HERC2: variants seen among roughly 807,000 people sequenced by gnomAD.
HERC2 encodes the protein E3 ubiquitin-protein ligase HERC2.
Under a neutral mutation model 537.7 loss-of-function variants are expected in HERC2, and 102 were observed. That is an observed-to-expected ratio of 0.19 (90% CI 0.16 to 0.22). The LOEUF (loss-of-function observed/expected upper bound fraction) is 0.22. HERC2 is among the 10% of genes least tolerant of loss of function. The pLI, the probability that HERC2 is intolerant of heterozygous loss-of-function variation, is 1.00. For missense variants in HERC2, 4,236 were observed against 6,198.2 expected (o/e 0.68, Z 10.63); for synonymous variants, 2,224 against 2,466.2 (o/e 0.90, Z 2.91).
At chr15:28,302,900 G>A (rs1317743378) in intron 2 of HERC2, among the ~76,000 whole-genome samples, 22 of 151,944 alleles carry the variant, frequency 1.4e-4, no homozygotes, top group East Asian at 1.9e-4. Context: ...ATATATTCTG[G>A]TTATTAATCC....
At chr15:28,266,075 G>C in intron 12 of HERC2, 101 bp from the exon 13 acceptor site, 1 of 1,276,834 alleles carries the variant, frequency 7.8e-7, no homozygotes. Context: ...GACCAGCATA[G>C]CATCAGGCCA....
chr15:28,121,735 A>G (rs1282910412), intron 85 of HERC2, among the ~76,000 whole-genome samples: 1 of 152,190 alleles, frequency 6.6e-6, no homozygotes, highest in Non-Finnish European at 1.5e-5. Context: ...CAGAACAGGG[A>G]GGGCTGGGCC....
intron 67 of HERC2, among the ~76,000 whole-genome samples, 161 bp downstream of exon 67, chr15:28,168,246 T>C (rs187655419): frequency 1.3e-5 from 2 of 152,182 alleles, no homozygotes; most frequent in African/African-American, 4.8e-5. Flanking sequence ...ACTTAAGCAC[T>C]TTAAAAGCTC....
At position 28,214,084 on chromosome 15, in the gene HERC2, A is replaced by G; in HGVS notation, c.6547T>C (p.Ser2183Pro). The part of the protein sequence containing the change: ...SITHSFVGRP[S>P]EGAQLEDYFP... Reference sequence around the variant, plus strand: ...TGAGAACACAAACCCACCCCTTCGGAAGGCCTTCCCACAAAGCTGTGGGTG... The same window carrying G: ...TGAGAACACAAACCCACCCCTTCGGGAGGCCTTCCCACAAAGCTGTGGGTG... The change falls in exon 41 of 93, where the codon TCC (serine) becomes CCC (proline). Residue 2183 changes from serine to proline, a missense_variant. By Grantham distance (74) the Ser-to-Pro change is moderately conservative. This residue lies in a region of HERC2 where 365 missense variants were observed against 468.8 expected (regional missense o/e 0.78). Transcript: ENST00000261609. 1 of 1,613,872 alleles carries G rather than the reference A, an allele frequency of 6.2e-7. No individual in the cohort carries two copies. The highest frequency in any genetic ancestry group is 8.5e-7 in the Non-Finnish European group (1 of 1,179,746).
Position 28,130,521 on chromosome 15 carries a change from G to C in HERC2, c.12644C>G (p.Ser4215Cys). 1 of 1,613,942 alleles carries C rather than the reference G, an allele frequency of 6.2e-7. No individual in the cohort carries two copies. Among genetic ancestry groups the C allele is most frequent in the Non-Finnish European group, 8.5e-7 (1 of 1,179,842 alleles). Residue 4215 changes from serine to cysteine, a missense_variant, in exon 82 of 93, where the codon TCT becomes TGT. By Grantham distance (112) the Ser-to-Cys change is moderately radical. This residue lies in a region of HERC2 where 38 missense variants were observed against 36.7 expected (regional missense o/e 1.04). Transcript: ENST00000261609. ...TGCGTACCAGGTATAAACAGCTCCA[G>C]ATTTGGTAAGGGCAACAGAAAACTG... ...GSQFSVALTK[S>C]GAVYTWGKGD...
At chr15:28,115,381 C>A (rs748711694) in intron 89 of HERC2, 48 bp downstream of exon 89, 13 of 1,263,068 alleles carry the variant, frequency 1.0e-5, no homozygotes, top group Non-Finnish European at 1.5e-5. Context: ...ACAGACTGTG[C>A]CTGTTAACAA....
chr15:28,142,312 T>C lies in HERC2; in HGVS notation c.11626A>G (p.Arg3876Gly). 6.2e-7 allele frequency: 1 copy of C among 1,614,174 alleles called. No individual in the cohort carries two copies. The highest frequency in any genetic ancestry group is 8.5e-7 in the Non-Finnish European group (1 of 1,180,036). Residue 3876 changes from arginine to glycine, a missense_variant, in exon 76 of 93, where the codon AGG becomes GGG. Coordinates refer to ENST00000261609, the MANE Select transcript of HERC2 (RefSeq NM_004667.6). ...AETHKWAWFR[R>G]YCMASRVAVA... ...GCAACACGGGAGGCCATGCAGTACCTCCGGAACCAGGCCCACTTGTGCGTC... is the reference window on the plus strand; with the variant it reads ...GCAACACGGGAGGCCATGCAGTACCCCCGGAACCAGGCCCACTTGTGCGTC...
At chr15:28,273,261 A>T in intron 7 of HERC2, 1 of 530,302 alleles carries the variant, frequency 1.9e-6, no homozygotes, top group Non-Finnish European at 3.3e-6. Context: ...ATGTATATGA[A>T]GCATAAAATA....
Position 28,175,661 on chromosome 15 carries a change from G to GAGA in HERC2, c.9687-8_9687-6dup. 1 of 1,614,100 alleles carries GAGA rather than the reference G, an allele frequency of 6.2e-7. No homozygotes were observed. Among genetic ancestry groups the GAGA allele is most frequent in the Non-Finnish European group, 8.5e-7 (1 of 1,180,010 alleles). On this transcript the variant is annotated splice_polypyrimidine_tract_variant and splice_region_variant and intron_variant, in intron 63 of 92. Coordinates refer to ENST00000261609, the MANE Select transcript of HERC2 (RefSeq NM_004667.6). ...CTGAAGTAATCCCCCTTTCCCCTGA[G>GAGA]AGAAGGCCCATGGTGGAGAGTTACA...
Position 28,125,098 on chromosome 15 carries a change from C to T in HERC2, c.12898G>A (p.Gly4300Ser), listed in dbSNP as rs745402828. ...CAGGCCACACGGTTGACCTTCTTAC[C>T]CTGAAGGGCAGCTACCAACCGAGGC... ...QRPRLVAALQ[G>S]KKVNRVACGS... Residue 4300 changes from glycine to serine, a missense_variant, in exon 84 of 93, where the codon GGT (glycine) becomes AGT (serine). Around this residue, in one of 27 missense-constraint regions of HERC2, gnomAD observed 189 missense variants for 255.7 expected, o/e 0.74. Transcript: ENST00000261609. 2.5e-6 allele frequency: 4 copies of T among 1,614,170 alleles called. No individual in the cohort carries two copies. In the South Asian group the frequency reaches 3.3e-5, roughly 13 times the overall value.
At position 28,265,053 on chromosome 15, in the gene HERC2, A is replaced by G. The variant is rs1007975391; in HGVS notation, c.1870+565T>C. Among the ~76,000 whole-genome samples the G allele has an allele frequency of 2.6e-5, 4 of 152,222 alleles. No homozygotes were observed. Among genetic ancestry groups the G allele is most frequent in the African/African-American group, 9.6e-5 (4 of 41,460 alleles). ...AAGCTGACAGGTACCCCTGCTGATT[A>G]TAACGGAAAGACTCCACAACGCCAG... is the stretch of plus-strand genomic sequence containing the variant. On this transcript the variant is annotated intron_variant, in intron 14 of 92. Transcript: ENST00000261609. This position sits in a 1 kb window ranked among gnomAD's most constrained non-coding sequence, Gnocchi z 4.0.
Position 28,233,746 on chromosome 15 carries a change from T to C in HERC2, c.4269A>G (p.Thr1423=), listed in dbSNP as rs767204620. 3.1e-6 allele frequency: 5 copies of C among 1,612,668 alleles called. No homozygotes were observed. The South Asian group carries it at 3.3e-5, about 11-fold the overall frequency. Residue 1423 remains threonine (T), a synonymous_variant, in exon 28 of 93, where the codon ACA becomes ACG. Transcript: ENST00000261609. ...ERYCRQCHLT[T]PIMFPPEHPV... ...GATGCTCGGGGGGAAACATGATCGG[T>C]GTGGTCAAATGGCACTGCCTACAGT...
intron 14 of HERC2, among the ~76,000 whole-genome samples, chr15:28,264,906 T>C (rs2075520091): frequency 6.6e-6 from 1 of 152,118 alleles, no homozygotes; most frequent in Non-Finnish European, 1.5e-5. Context: ...GTCTGTCCCG[T>C]CAATGGCAGC....
chr15:28,116,110 G>A lies in HERC2; in HGVS notation c.13609+555C>T, dbSNP rs116634664. On this transcript the variant is annotated intron_variant, in intron 88 of 92. Coordinates refer to ENST00000261609, the MANE Select transcript of HERC2 (RefSeq NM_004667.6). ...GCCTGCAGCTGTGCACAGAGCTTCC[G>A]ACGGTCCACCACCGTCAGGCCCTCA... Among the ~76,000 whole-genome samples the A allele has an allele frequency of 4.1e-3, 627 of 152,290 alleles. 4 individuals carry two copies. The highest frequency in any genetic ancestry group is 0.014 in the African/African-American group (592 of 41,558).
At chr15:28,293,500 A>G (rs1259132820) in intron 3 of HERC2, among the ~76,000 whole-genome samples, 1 of 151,756 alleles carries the variant, frequency 6.6e-6, no homozygotes, top group Non-Finnish European at 1.5e-5. Context: ...CTCAAAAAAA[A>G]AAAAAAAAAA....
chr15:28,308,271 A>G (rs2076847090), intron 2 of HERC2, among the ~76,000 whole-genome samples: 1 of 152,110 alleles, frequency 6.6e-6, no homozygotes, highest in African/African-American at 2.4e-5. Flanking sequence ...CTTTGTAATT[A>G]TCTTCTTTGG....
chr15:28,283,152 C>T (rs971158299), intron 4 of HERC2, among the ~76,000 whole-genome samples: 8 of 150,550 alleles, frequency 5.3e-5, no homozygotes, highest in Non-Finnish European at 1.0e-4. Context: ...CTGTACTCTA[C>T]GAAGTGATGG....
At chr15:28,187,252 A>G (rs1277147926) in intron 55 of HERC2, among the ~76,000 whole-genome samples, 5 of 152,212 alleles carry the variant, frequency 3.3e-5, no homozygotes, top group Admixed American at 2.6e-4. Context: ...GATATGGATT[A>G]TCATTAAAAA....
intron 67 of HERC2, 122 bp downstream of exon 67, chr15:28,168,285 G>C: frequency 1.1e-6 from 1 of 942,670 alleles, no homozygotes; most frequent in Non-Finnish European, 1.6e-6. Flanking sequence ...TCTAAGTAAA[G>C]CCAAAAATCT....
Sources: allele counts gnomAD v4.1 joint callset (sites outside exome capture counted in the v4.1 genomes callset), GRCh38; gene constraint gnomAD v4.1.1; regional missense constraint gnomAD v4.1.1; non-coding constraint Gnocchi (gnomAD v3.1); transcripts MANE v1.5; gene names NCBI Gene and HGNC (gene_info 2026-07-23, HGNC 2026-07-21).